Variants in DNM3 observed in about 807,000 individuals in gnomAD.
DNM3 encodes dynamin 3.
A neutral mutation model predicts 101.6 loss-of-function variants in DNM3; 47 were observed. The ratio of observed to expected loss-of-function variants is 0.46; its 90% confidence interval spans 0.37 to 0.59. DNM3 has a LOEUF of 0.59. Among genes scored for constraint, DNM3 ranks in the 20% least tolerant of loss-of-function variants. The probability of loss-of-function intolerance (pLI) is 0.00; values close to 1 mark genes in which losing one functional copy is unlikely to be tolerated. For missense variants in DNM3, 849 were observed against 1,085.7 expected, an observed-to-expected ratio of 0.78 and a Z score of 3.06; for synonymous variants, 385 against 387.9, an observed-to-expected ratio of 0.99 and a Z score of 0.09.
chr1:171,911,436 C>T (rs1009917017), intron 1 of DNM3, among the ~76,000 whole-genome samples: 1 of 152,014 alleles, frequency 6.6e-6, no homozygotes, highest in African/African-American at 2.4e-5. Context: ...GTGCGTGACA[C>T]CACGCCCGGC....
intron 7 of DNM3, among the ~76,000 whole-genome samples, chr1:172,040,306 T>C (rs2049280792): frequency 6.6e-6 from 1 of 152,202 alleles, no homozygotes; most frequent in South Asian, 2.1e-4. Flanking sequence ...TTCTTTGGCC[T>C]AAATAATTTG....
At position 172,387,551 on chromosome 1, in the gene DNM3, C is replaced by T. The variant is rs563342812; in HGVS notation, c.2285+192C>T. On this transcript the variant is annotated intron_variant, in intron 19 of 20. Coordinates refer to ENST00000627582, the MANE Select transcript of DNM3 (RefSeq NM_015569.5). The stretch of plus-strand genomic sequence containing the variant: ...GCGGGTGCCTGTAGTCCCAGCTACT[C>T]GGGAGGCTGAGGCAGGAGAATGGTG... 2.6e-5 allele frequency among the ~76,000 whole-genome samples: 4 copies of T among 151,634 alleles called. No homozygotes were observed. The South Asian group carries it at 6.3e-4, about 24-fold the overall frequency.
chr1:172,136,458 C>CACAGGGTTCATA (rs1433824652), intron 14 of DNM3: 1 of 152,104 alleles, frequency 6.6e-6, no homozygotes, highest in Non-Finnish European at 1.5e-5. Flanking sequence ...GAACACTGTT[C>CACAGGGTTCATA]ACACTCCTTC....
At chr1:172,397,912 T>C (rs553622795) in intron 20 of DNM3, among the ~76,000 whole-genome samples, 2 of 152,332 alleles carry the variant, frequency 1.3e-5, no homozygotes, top group South Asian at 4.1e-4. Flanking sequence ...AAAGTCTCCC[T>C]TCCTGCAGAA....
At chr1:172,219,374 T>A (rs2060821212) in intron 14 of DNM3, among the ~76,000 whole-genome samples, 1 of 74,844 alleles carries the variant, frequency 1.3e-5, no homozygotes, top group African/African-American at 8.1e-5. Context: ...GAATACCCTG[T>A]CTCAAAAAAA....
At chr1:172,127,427 G>A (rs561936473) in intron 13 of DNM3, among the ~76,000 whole-genome samples, 20 of 123,064 alleles carry the variant, frequency 1.6e-4, no homozygotes, top group East Asian at 1.4e-3. Context: ...TATTATTATT[G>A]AGGCAGAGTC....
At chr1:172,269,669 T>C (rs1156759829) in intron 15 of DNM3, among the ~76,000 whole-genome samples, 1 of 152,248 alleles carries the variant, frequency 6.6e-6, no homozygotes, top group Non-Finnish European at 1.5e-5. Flanking sequence ...TTCAGGCTTT[T>C]ATTTCAAAGA....
In DNM3 at chr1:172,283,778, A is replaced by AAAAAAG. The variant is rs1553221091; in HGVS notation, c.1770-24946_1770-24941dup. Among the ~76,000 whole-genome samples, 384 of 138,460 alleles carry AAAAAAG rather than the reference A, an allele frequency of 2.8e-3. 3 individuals are homozygous for AAAAAAG. The highest frequency in any genetic ancestry group is 4.3e-3 in the African/African-American group (157 of 36,764). The allele number at this position is 138,460 out of a possible 152,430, so 90.8% of individuals were successfully genotyped here. A position where few individuals can be genotyped will look rare whatever the true frequency, so the allele number is the denominator to read the frequency against. On this transcript the variant is annotated intron_variant, in intron 15 of 20. Coordinates refer to ENST00000627582, the MANE Select transcript of DNM3 (RefSeq NM_015569.5). ...CCATCTCAAAAAAAAAAAAAAAAAAAAAAAAGAAAGAAAGAAAGAAAACCA... is the reference window on the plus strand; with the variant it reads ...CCATCTCAAAAAAAAAAAAAAAAAAAAAAAAGAAAAAGAAAGAAAGAAAGAAAACCA...
At chr1:172,166,942 T>A (rs945186833) in intron 14 of DNM3, among the ~76,000 whole-genome samples, 5 of 151,926 alleles carry the variant, frequency 3.3e-5, no homozygotes, top group Non-Finnish European at 7.4e-5. Context: ...TTTAATACTT[T>A]AAGTTCTAGG....
At chr1:171,898,700 A>G (rs2038027717) in intron 1 of DNM3, among the ~76,000 whole-genome samples, 1 of 79,252 alleles carries the variant, frequency 1.3e-5, no homozygotes, top group African/African-American at 4.6e-5. Context: ...ATACATATAT[A>G]TATATAGAGA....
intron 2 of DNM3, among the ~76,000 whole-genome samples, chr1:171,985,704 T>C (rs1343649953): frequency 1.3e-5 from 2 of 152,200 alleles, no homozygotes; most frequent in Non-Finnish European, 2.9e-5. Flanking sequence ...TGATTCTCAT[T>C]CTAACATCCA....
chr1:171,891,139 G>C lies in DNM3; in HGVS notation c.162-30609G>C, dbSNP rs75974516. On this transcript the variant is annotated intron_variant, in intron 1 of 20. Coordinates refer to ENST00000627582, the MANE Select transcript of DNM3 (RefSeq NM_015569.5). Reference sequence around the variant, plus strand: ...AGAGGAAGAGCATCAAAGTGAAAAGGCTGCAATGACCAATACAGTCTCCTA... The same window carrying C: ...AGAGGAAGAGCATCAAAGTGAAAAGCCTGCAATGACCAATACAGTCTCCTA... 6.7e-3 allele frequency among the ~76,000 whole-genome samples: 1,027 copies of C among 152,240 alleles called. 15 individuals carry two copies. The highest frequency in any genetic ancestry group is 0.023 in the African/African-American group (967 of 41,546).
chr1:172,175,940 A>C (rs1291548112), intron 14 of DNM3, among the ~76,000 whole-genome samples: 5 of 151,684 alleles, frequency 3.3e-5, no homozygotes, highest in Admixed American at 1.3e-4. Flanking sequence ...ATTCTTTATA[A>C]TCCCCTCTCA....
chr1:171,843,680 A>G (rs563918298), intron 1 of DNM3, among the ~76,000 whole-genome samples: 5 of 152,330 alleles, frequency 3.3e-5, no homozygotes, highest in African/African-American at 9.6e-5. Context: ...TGCACATACC[A>G]CAATTCTACA....
At chr1:171,912,087 A>G (rs532117737) in intron 1 of DNM3, among the ~76,000 whole-genome samples, 94 of 152,282 alleles carry the variant, frequency 6.2e-4, no homozygotes, top group African/African-American at 2.2e-3. Flanking sequence ...TCCTTTCCAC[A>G]TGCATTTCTT....
chr1:171,936,010 A>C (rs1428713892), intron 2 of DNM3, among the ~76,000 whole-genome samples: 1 of 150,920 alleles, frequency 6.6e-6, no homozygotes, highest in Non-Finnish European at 1.5e-5. Context: ...TGCCCCCTGA[A>C]GAAGGTGTTT....
intron 14 of DNM3, among the ~76,000 whole-genome samples, chr1:172,165,223 G>C (rs1243009758): frequency 6.6e-6 from 1 of 151,976 alleles, no homozygotes. Context: ...TTCTTCCAAT[G>C]CTTTGGTAAG....
intron 4 of DNM3, among the ~76,000 whole-genome samples, chr1:172,004,338 G>A (rs2046540334): frequency 6.6e-6 from 1 of 151,926 alleles, no homozygotes; most frequent in Non-Finnish European, 1.5e-5. Context: ...TCCAGGATGT[G>A]GTCATGGGAG....
At chr1:172,258,422 A>G (rs763447632) in intron 15 of DNM3, among the ~76,000 whole-genome samples, 5 of 151,996 alleles carry the variant, frequency 3.3e-5, no homozygotes, top group Admixed American at 6.6e-5. Context: ...CCTCACCGCC[A>G]TCAACAGATT....
Sources: gnomAD v4.1 joint callset for allele counts (sites outside exome capture counted in the v4.1 genomes callset) on GRCh38, gnomAD v4.1.1 for gene constraint, MANE v1.5 for transcripts, NCBI Gene and HGNC (gene_info 2026-07-23, HGNC 2026-07-21) for gene names.